Variants in ROR2 observed in about 807,000 individuals in gnomAD.
ROR2 encodes ROR family WNT receptor 2, also known as tyrosine-protein kinase transmembrane receptor ROR2.
Under a neutral mutation model 74.9 loss-of-function variants are expected in ROR2, and 33 were observed. The ratio of observed to expected loss-of-function variants is 0.44; its 90% confidence interval spans 0.33 to 0.59. The LOEUF (loss-of-function observed/expected upper bound fraction) is 0.59, where lower values mean the gene tolerates loss of function less well. Ranked by LOEUF, ROR2 falls within the 20% of genes least tolerant of loss-of-function variation. The pLI, the probability that ROR2 is intolerant of heterozygous loss-of-function variation, is 0.02. For missense variants in ROR2, 1,216 were observed against 1,313.8 expected (o/e 0.93, Z 1.15); for synonymous variants, 586 against 558.7 (o/e 1.05, Z -0.69).
chr9:91,876,247 T>TA (rs1453693369), intron 1 of ROR2, among the ~76,000 whole-genome samples: 1 of 151,924 alleles, frequency 6.6e-6, no homozygotes, highest in African/African-American at 2.4e-5. Context: ...CAGGCGCCTG[T>TA]AATCCCAGCT....
intron 1 of ROR2, among the ~76,000 whole-genome samples, chr9:91,821,759 C>A (rs533783351): frequency 2.6e-5 from 4 of 152,224 alleles, no homozygotes; most frequent in African/African-American, 9.6e-5. Flanking sequence ...CCTCACGTCT[C>A]TGCCTTAGAC....
At chr9:91,941,980 G>A (rs1218005795) in intron 1 of ROR2, among the ~76,000 whole-genome samples, 1 of 152,032 alleles carries the variant, frequency 6.6e-6, no homozygotes, top group African/African-American at 2.4e-5. Context: ...TAGTGAGGAC[G>A]AGGTTTCACC....
At chr9:91,777,026 A>C (rs1202791826) in intron 1 of ROR2, among the ~76,000 whole-genome samples, 2 of 152,234 alleles carry the variant, frequency 1.3e-5, no homozygotes, top group African/African-American at 4.8e-5. Context: ...CTGCCAGTCA[A>C]ATGTGGTTAA....
chr9:91,783,360 A>G (rs915550572), intron 1 of ROR2, among the ~76,000 whole-genome samples: 1 of 152,114 alleles, frequency 6.6e-6, no homozygotes, highest in African/African-American at 2.4e-5. Context: ...GACACACACA[A>G]TGGCAAGGCT....
At chr9:91,909,319 C>T (rs376200349) in intron 1 of ROR2, among the ~76,000 whole-genome samples, 34 of 152,140 alleles carry the variant, frequency 2.2e-4, no homozygotes, top group African/African-American at 8.2e-4. Context: ...GATTGGAAAA[C>T]CAGGAATGAA....
chr9:91,786,925 G>C (rs1417764399), intron 1 of ROR2, among the ~76,000 whole-genome samples: 1 of 152,186 alleles, frequency 6.6e-6, no homozygotes, highest in Non-Finnish European at 1.5e-5. Flanking sequence ...CACTCCCGGG[G>C]AAGGGAAGAG....
chr9:91,851,037 G>T (rs1202857750), intron 1 of ROR2, among the ~76,000 whole-genome samples: 6 of 152,128 alleles, frequency 3.9e-5, no homozygotes. Flanking sequence ...GGAAAAGTGA[G>T]TGAATTTATC....
intron 1 of ROR2, among the ~76,000 whole-genome samples, chr9:91,844,721 A>C (rs2119226736): frequency 6.6e-6 from 1 of 152,192 alleles, no homozygotes; most frequent in East Asian, 1.9e-4. Flanking sequence ...GGCTACCAGA[A>C]CCTACACTGT....
At chr9:91,844,124 C>T (rs1828859243) in intron 1 of ROR2, among the ~76,000 whole-genome samples, 1 of 152,236 alleles carries the variant, frequency 6.6e-6, no homozygotes, top group Admixed American at 6.5e-5. Context: ...GAGCCAGCAG[C>T]ATAAATCAGA....
intron 1 of ROR2, among the ~76,000 whole-genome samples, chr9:91,861,318 A>G (rs1447736020): frequency 6.6e-6 from 1 of 152,224 alleles, no homozygotes; most frequent in African/African-American, 2.4e-5. Context: ...AGAATAGCCA[A>G]AACAATGTTG....
At chr9:91,728,482 G>C (rs1167641125) in intron 7 of ROR2, among the ~76,000 whole-genome samples, 2 of 152,106 alleles carry the variant, frequency 1.3e-5, no homozygotes, top group African/African-American at 4.8e-5. Context: ...CTAGGCTGGA[G>C]GGCAGTGGTG....
intron 1 of ROR2, among the ~76,000 whole-genome samples, chr9:91,850,039 T>C (rs938632671): frequency 7.2e-5 from 11 of 152,220 alleles, no homozygotes; most frequent in African/African-American, 2.7e-4. Context: ...AATATCCTCA[T>C]ATCGACTTCT....
intron 1 of ROR2, among the ~76,000 whole-genome samples, chr9:91,820,814 G>A (rs1039926847): frequency 6.6e-6 from 1 of 152,144 alleles, no homozygotes; most frequent in Non-Finnish European, 1.5e-5. Flanking sequence ...AAGAAGGGGA[G>A]GTCAGGCCAG....
chr9:91,744,952 G>A (rs1825361009), intron 4 of ROR2, among the ~76,000 whole-genome samples: 1 of 152,146 alleles, frequency 6.6e-6, no homozygotes, highest in African/African-American at 2.4e-5. Flanking sequence ...CTCTCACTGT[G>A]CATAATATGG....
chr9:91,772,729 G>T (rs1389017931), intron 2 of ROR2, among the ~76,000 whole-genome samples: 2 of 152,154 alleles, frequency 1.3e-5, no homozygotes, highest in African/African-American at 4.8e-5. Context: ...TTTCGGTCAT[G>T]GGAACGCACT....
chr9:91,896,317 C>T (rs1830538367), intron 1 of ROR2, among the ~76,000 whole-genome samples: 1 of 152,196 alleles, frequency 6.6e-6, no homozygotes, highest in South Asian at 2.1e-4. Context: ...AAGATGCAAT[C>T]TTGGTTCCCC....
chr9:91,876,982 C>T (rs1829974314), intron 1 of ROR2, among the ~76,000 whole-genome samples: 1 of 152,130 alleles, frequency 6.6e-6, no homozygotes, highest in African/African-American at 2.4e-5. Flanking sequence ...ACATTTAACA[C>T]ATCATAATGA....
At position 91,724,083 on chromosome 9, in the gene ROR2, A is replaced by G. The variant is rs753279278; in HGVS notation, c.2411T>C (p.Met804Thr). 24 of 1,610,974 alleles carry G rather than the reference A, an allele frequency of 1.5e-5. No individual in the cohort carries two copies. Among genetic ancestry groups the G allele is most frequent in the South Asian group, 4.4e-5 (4 of 91,060 alleles). The change falls in exon 9 of 9, where the codon ATG becomes ACG. Residue 804 changes from methionine (M) to threonine (T), a missense_variant. Met to Thr is a moderately conservative substitution (Grantham distance 81). Transcript: ENST00000375708. ...PPFPQPQFIP[M>T]KGQIRPMVPP... ...CACCATGGGTCTGATCTGGCCCTTC[A>G]TGGGGATGAACTGGGGCTGTGGGAA...
At chr9:91,744,789 G>T (rs978502302) in intron 4 of ROR2, among the ~76,000 whole-genome samples, 1 of 152,230 alleles carries the variant, frequency 6.6e-6, no homozygotes, top group Non-Finnish European at 1.5e-5. Flanking sequence ...AGGCAGAGAA[G>T]ACAATGGCTC....
Sources: allele counts gnomAD v4.1 joint callset (sites outside exome capture counted in the v4.1 genomes callset), GRCh38; gene constraint gnomAD v4.1.1; transcripts MANE v1.5; gene names NCBI Gene and HGNC (gene_info 2026-07-23, HGNC 2026-07-21).